TCF4: variants seen among roughly 807,000 people sequenced by gnomAD.
TCF4 encodes transcription factor 4.
Under a neutral mutation model 82.1 loss-of-function variants are expected in TCF4, and 3 were observed. That is an observed-to-expected ratio of 0.04 (90% confidence interval 0.02 to 0.09). The LOEUF (loss-of-function observed/expected upper bound fraction) is 0.09. TCF4 is among the 10% of genes least tolerant of loss of function. The pLI is 1.00. For missense variants in TCF4, 518 were observed against 852.7 expected (o/e 0.61, Z 4.89); for synonymous variants, 276 against 309.6 (o/e 0.89, Z 1.14).
intron 6 of TCF4, among the ~76,000 whole-genome samples, chr18:55,354,930 C>A (rs576231554): frequency 6.6e-6 from 1 of 152,224 alleles, no homozygotes; most frequent in South Asian, 2.1e-4. Flanking sequence ...CGTTGTGATC[C>A]GGTATCAGAC....
chr18:55,303,528 T>A (rs2069094298), intron 8 of TCF4, among the ~76,000 whole-genome samples: 1 of 152,196 alleles, frequency 6.6e-6, no homozygotes, highest in African/African-American at 2.4e-5. Context: ...CTTGCAATTT[T>A]TCTCTTTCCC....
At chr18:55,251,090 C>A (rs2054924819) in intron 15 of TCF4, among the ~76,000 whole-genome samples, 1 of 152,098 alleles carries the variant, frequency 6.6e-6, no homozygotes, top group Non-Finnish European at 1.5e-5. Context: ...GGTAATATGC[C>A]CAGCCTTGTC....
intron 8 of TCF4, among the ~76,000 whole-genome samples, chr18:55,348,797 G>T (rs2081733037): frequency 6.6e-6 from 1 of 151,992 alleles, no homozygotes; most frequent in African/African-American, 2.4e-5. Context: ...GCATAAGGAG[G>T]GTATGATAGC....
intron 6 of TCF4, among the ~76,000 whole-genome samples, chr18:55,398,522 C>G (rs955273552): frequency 6.6e-6 from 1 of 152,148 alleles, no homozygotes; most frequent in Admixed American, 6.6e-5. Flanking sequence ...ATTCAACCCC[C>G]CAAAAAGTCA....
chr18:55,584,609 A>T (rs1239210739), intron 3 of TCF4, among the ~76,000 whole-genome samples: 1 of 152,258 alleles, frequency 6.6e-6, no homozygotes, highest in East Asian at 1.9e-4. Flanking sequence ...TAGTGCTAGC[A>T]TCTTTTTTAA....
Position 55,226,440 on chromosome 18 carries a change from G to T in TCF4, c.*1595C>A, listed in dbSNP as rs1471222961. The stretch of plus-strand genomic sequence containing the variant: ...ATTCACGATGGAAGTTGGTTCAATT[G>T]TGCCCAGACGTCAAAGCTAGCTATC... On this transcript the variant is annotated 3_prime_UTR_variant, in exon 20 of 20. Coordinates refer to ENST00000354452, the MANE Select transcript of TCF4 (RefSeq NM_001083962.2). 6.6e-6 allele frequency: 1 copy of T among 152,540 alleles called. No homozygotes were observed. The highest frequency in any genetic ancestry group is 2.4e-5 in the African/African-American group (1 of 41,430). 9.4% of individuals were successfully genotyped at this position (152,540 alleles called of 1,614,324 possible).
chr18:55,426,531 T>C (rs941247523), intron 5 of TCF4, among the ~76,000 whole-genome samples: 6 of 152,178 alleles, frequency 3.9e-5, no homozygotes, highest in African/African-American at 1.2e-4. Flanking sequence ...TGGTACCTCA[T>C]TTCATCCTTT....
intron 6 of TCF4, among the ~76,000 whole-genome samples, chr18:55,357,540 A>G (rs117455054): frequency 2.6e-5 from 4 of 152,222 alleles, no homozygotes; most frequent in African/African-American, 9.6e-5. Flanking sequence ...CTAGGGAATT[A>G]GCAACACTTT....
intron 6 of TCF4, among the ~76,000 whole-genome samples, chr18:55,353,950 T>G (rs937429496): frequency 7.2e-5 from 11 of 152,096 alleles, no homozygotes; most frequent in African/African-American, 1.2e-4. Flanking sequence ...TGGTTTTAGG[T>G]TTTTCACATT....
chr18:55,413,196 A>C (rs2094416744), intron 5 of TCF4, among the ~76,000 whole-genome samples: 1 of 152,216 alleles, frequency 6.6e-6, no homozygotes, highest in African/African-American at 2.4e-5. Context: ...ACACATATAT[A>C]AGTGACATTT....
intron 8 of TCF4, among the ~76,000 whole-genome samples, chr18:55,303,240 C>CACACACACACACACACACCCCT (rs2068938910): frequency 1.3e-5 from 2 of 150,246 alleles, no homozygotes; most frequent in African/African-American, 2.5e-5. Flanking sequence ...CACACACACA[C>CACACACACACACACACACCCCT]ACACACACAC....
intron 3 of TCF4, among the ~76,000 whole-genome samples, chr18:55,539,144 G>A (rs1368353397): frequency 6.6e-6 from 1 of 151,920 alleles, no homozygotes; most frequent in Non-Finnish European, 1.5e-5. Flanking sequence ...TTTACAGCCA[G>A]AACAAAAAAC....
At chr18:55,631,260 G>C (rs1480255229) in intron 2 of TCF4, 1 of 925,578 alleles carries the variant, frequency 1.1e-6, no homozygotes, top group Non-Finnish European at 1.7e-6. Context: ...ATGTTGGCCA[G>C]GCTGTCTTGA....
chr18:55,451,989 G>C (rs2095633104), intron 5 of TCF4, among the ~76,000 whole-genome samples: 2 of 152,166 alleles, frequency 1.3e-5, no homozygotes, highest in African/African-American at 4.8e-5. Context: ...CTGGGTGACA[G>C]AGTGAGATTC....
intron 6 of TCF4, among the ~76,000 whole-genome samples, chr18:55,363,373 G>C (rs1280578105): frequency 6.6e-6 from 1 of 152,134 alleles, no homozygotes; most frequent in Non-Finnish European, 1.5e-5. Flanking sequence ...ACTAAAATAT[G>C]TTTAAATGCA....
intron 3 of TCF4, among the ~76,000 whole-genome samples, chr18:55,554,675 G>A (rs570924776): frequency 3.2e-4 from 49 of 152,194 alleles, no homozygotes; most frequent in Non-Finnish European, 6.2e-4. Context: ...GGAAGCAAGC[G>A]GCTGCCATAT....
At chr18:55,552,257 T>C (rs1389643506) in intron 3 of TCF4, among the ~76,000 whole-genome samples, 1 of 152,198 alleles carries the variant, frequency 6.6e-6, no homozygotes, top group African/African-American at 2.4e-5. Context: ...ATGGCTGAAA[T>C]AGAACTAAAT....
chr18:55,530,104 C>T (rs899735239), intron 3 of TCF4, among the ~76,000 whole-genome samples: 1 of 152,176 alleles, frequency 6.6e-6, no homozygotes, highest in Non-Finnish European at 1.5e-5. Flanking sequence ...CAGTAAGAGG[C>T]AAAAACTTTG....
rs201776550 is a variant in TCF4, at chr18:55,269,956, G to A, written c.797C>T (p.Pro266Leu). Residue 266 changes from proline (P) to leucine (L), a missense_variant, in exon 11 of 20, where the codon CCA (proline) becomes CTA (leucine). Transcript: ENST00000354452. ...ATTGATGTCTGCTGAGGAGTGTGAT[G>A]GATAGCTCTATAGCAAGAAGCAGAA... ...SLHPHERLSY[P>L]SHSSADINSS... is the part of the protein sequence containing the mutation. The A allele has an allele frequency of 3.7e-6, 6 of 1,613,048 alleles. No individual in the cohort carries two copies. The highest frequency in any genetic ancestry group is 4.2e-6 in the Non-Finnish European group (5 of 1,179,376).
Sources: gnomAD v4.1 joint callset for allele counts (sites outside exome capture counted in the v4.1 genomes callset) on GRCh38, gnomAD v4.1.1 for gene constraint, MANE v1.5 for transcripts, NCBI Gene and HGNC (gene_info 2026-07-23, HGNC 2026-07-21) for gene names.